HDAC5: variants seen among roughly 807,000 people sequenced by gnomAD.
HDAC5 encodes histone deacetylase 5.
HDAC5 carries 25 observed loss-of-function variants against 133.3 expected under a neutral mutation model. The observed-to-expected ratio is 0.19, with a 90% confidence interval of 0.14 to 0.26. The LOEUF is 0.26. HDAC5 is among the 10% of genes least tolerant of loss of function. The pLI, the probability that HDAC5 is intolerant of heterozygous loss-of-function variation, is 1.00. For synonymous variants in HDAC5, 589 were observed against 610.8 expected (o/e 0.96, Z 0.53); for missense variants, 1,041 against 1,460.5 (o/e 0.71, Z 4.68).
At chr17:44,088,715 G>A (rs929464991) in intron 11 of HDAC5, 117 bp from the exon 12 acceptor site, 18 of 1,419,224 alleles carry the variant, frequency 1.3e-5, no homozygotes, top group Non-Finnish European at 9.3e-7. Context: ...ATATACTCAG[G>A]AAAAACCCTG....
rs901590736 is a variant in HDAC5 at position 44,079,996 on chromosome 17, C to G, written c.2944+111G>C. 1.2e-5 allele frequency: 10 copies of G among 810,788 alleles called. No homozygotes were observed. The Admixed American group carries it at 1.6e-4, about 13-fold the overall frequency. The allele number at this position is 810,788 out of a possible 1,614,324, so 50.2% of individuals were successfully genotyped here. ...AAGATGATTCCAAGTCTAGGCCCTGCCCCCTGCTTTCCCCGTCTGCTGCAA... is the reference window on the plus strand; with the variant it reads ...AAGATGATTCCAAGTCTAGGCCCTGGCCCCTGCTTTCCCCGTCTGCTGCAA... On this transcript the variant is annotated intron_variant, in intron 23 of 26. Coordinates refer to ENST00000682912, the MANE Select transcript of HDAC5 (RefSeq NM_005474.5).
intron 1 of HDAC5, among the ~76,000 whole-genome samples, chr17:44,122,998 C>T (rs1328987393): frequency 2.0e-5 from 3 of 152,156 alleles, no homozygotes; most frequent in Admixed American, 6.5e-5. Flanking sequence ...TCCTCATGCA[C>T]GGAAGTCAAG....
At chr17:44,086,829 C>A in intron 13 of HDAC5, 92 bp from the exon 14 acceptor site, 4 of 978,454 alleles carry the variant, frequency 4.1e-6, no homozygotes, top group Non-Finnish European at 5.4e-6. Context: ...GGGCCCCAAT[C>A]CAGCCCTTTT....
chr17:44,085,052 C>T lies in HDAC5; in HGVS notation c.2154G>A (p.Leu718=). 1 of 1,594,984 alleles carries T rather than the reference C, an allele frequency of 6.3e-7. No individual in the cohort carries two copies. The highest frequency in any genetic ancestry group is 8.6e-7 in the Non-Finnish European group (1 of 1,164,046). Residue 718 remains leucine (L), a synonymous_variant, in exon 15 of 27, where the codon CTG becomes CTA. Transcript: ENST00000682912. The part of the protein sequence containing the change: ...AGRIQSIWSR[L]QETGLLSKCE... The stretch of plus-strand genomic sequence containing the variant: ...ACTTGCTAAGCAGGCCTGTCTCCTG[C>T]AGCCGGGACCAGATGCTCTGGATCC...
At chr17:44,092,127 G>C in intron 9 of HDAC5, 45 bp downstream of exon 9, 1 of 1,533,860 alleles carries the variant, frequency 6.5e-7, no homozygotes, top group South Asian at 1.1e-5. Flanking sequence ...CCATGGGAAG[G>C]AGCAACTCTG....
chr17:44,084,459 G>A, intron 16 of HDAC5, 96 bp downstream of exon 16: 9 of 1,488,754 alleles, frequency 6.0e-6, no homozygotes, highest in South Asian at 1.2e-5. Context: ...TGCCCGTGGG[G>A]ACAACCCTCC....
intron 3 of HDAC5, among the ~76,000 whole-genome samples, chr17:44,102,625 T>C (rs189783406): frequency 1.4e-3 from 219 of 152,030 alleles, no homozygotes; most frequent in East Asian, 7.9e-3. Context: ...TCCCAAAGTG[T>C]TGGGATTACA....
intron 6 of HDAC5, 105 bp from the exon 7 acceptor site, chr17:44,092,911 G>A (rs1255286112): frequency 6.1e-6 from 4 of 656,160 alleles, no homozygotes; most frequent in South Asian, 4.1e-5. Context: ...TTTGTATATA[G>A]GAAGAGGACG....
chr17:44,091,294 G>C lies in HDAC5; in HGVS notation c.1363C>G (p.Arg455Gly). ...LQHVLLLEQA[R>G]QQSTLIAVPL... ...CCAGCAATGAGGGTGCTCTGCTGCC[G>C]GGCCTGCTCCAGCAACAGCACATGC... is the stretch of plus-strand genomic sequence containing the variant. The change falls in exon 11 of 27, where the codon CGG becomes GGG. Residue 455 changes from arginine to glycine, a missense_variant. This residue lies in a region of HDAC5 where 433 missense variants were observed against 531.6 expected (regional missense o/e 0.81). Coordinates refer to ENST00000682912, the MANE Select transcript of HDAC5 (RefSeq NM_005474.5). 6.2e-7 allele frequency: 1 copy of C among 1,611,712 alleles called. No homozygotes were observed. Among genetic ancestry groups the C allele is most frequent in the Non-Finnish European group, 8.5e-7 (1 of 1,179,440 alleles).
Position 44,092,375 on chromosome 17 carries a change from CCTTA to C in HDAC5, c.919+2_919+5del. On this transcript the variant is annotated splice_donor_variant and splice_donor_5th_base_variant and intron_variant, in intron 8 of 26. Coordinates refer to ENST00000682912, the MANE Select transcript of HDAC5 (RefSeq NM_005474.5). LOFTEE classifies it high-confidence loss of function. ...CTCAGAACAGGTACATGAGAGCAGC[CCTTA>C]CCCCCAGGCCCGGCACCTGTGATCT... 6.2e-7 allele frequency: 1 copy of C among 1,612,280 alleles called. No individual in the cohort carries two copies. Among genetic ancestry groups the C allele is most frequent in the Non-Finnish European group, 8.5e-7 (1 of 1,178,600 alleles).
chr17:44,078,746 G>C, intron 25 of HDAC5, 49 bp downstream of exon 25: 1 of 1,610,790 alleles, frequency 6.2e-7, no homozygotes, highest in East Asian at 2.2e-5. Context: ...GCTCCCACAA[G>C]CTCCGTGCCC....
Position 44,093,168 on chromosome 17 carries a change from C to T in HDAC5, c.565G>A (p.Glu189Lys). Residue 189 changes from glutamate to lysine, a missense_variant, in exon 6 of 27, where the codon GAA (glutamate) becomes AAA (lysine). Glu to Lys is a moderately conservative substitution (Grantham distance 56). This residue lies in a region of HDAC5 where 109 missense variants were observed against 168.0 expected (regional missense o/e 0.65). Transcript: ENST00000682912. ...ASTEVKLRLQ[E>K]FLLSKSKEPT... is the part of the protein sequence containing the mutation. ...TCCTTTGACTTCGACAAGAGGAATT[C>T]CTGGAGCCTCAGCTTTACCTCAGTG... 1 of 1,613,788 alleles carries T rather than the reference C, an allele frequency of 6.2e-7. No individual in the cohort carries two copies. The highest frequency in any genetic ancestry group is 8.5e-7 in the Non-Finnish European group (1 of 1,179,820).
chr17:44,120,951 C>T (rs2052954907), intron 1 of HDAC5, among the ~76,000 whole-genome samples: 1 of 151,840 alleles, frequency 6.6e-6, no homozygotes, highest in Non-Finnish European at 1.5e-5. Flanking sequence ...ATGTCCAGGC[C>T]CCAAACCAGG....
chr17:44,088,520 C>T lies in HDAC5; in HGVS notation c.1466G>A (p.Arg489Gln), dbSNP rs369400972. Residue 489 changes from arginine (R) to glutamine (Q), a missense_variant, in exon 12 of 27, where the codon CGG becomes CAG. Physicochemically the swap from Arg to Gln is conservative, Grantham distance 43. Around this residue, in one of 9 missense-constraint regions of HDAC5, gnomAD observed 433 missense variants for 531.6 expected, o/e 0.81. Transcript: ENST00000682912. Reference protein sequence around the residue: ...TSMRTVGKLPRHRPLSRTQSS... With the variant: ...TSMRTVGKLPQHRPLSRTQSS... ...CTGAGTGCGGCTCAGGGGCCGATGC[C>T]GCGGGAGCTTGCCTACCGTCCGCAT... 6.8e-6 allele frequency: 11 copies of T among 1,613,264 alleles called. No homozygotes were observed. The highest frequency in any genetic ancestry group is 1.3e-5 in the African/African-American group (1 of 74,914).
At position 44,088,663 on chromosome 17, in the gene HDAC5, C is replaced by G. The variant is rs952843412; in HGVS notation, c.1388-65G>C. 2.2e-5 allele frequency: 34 copies of G among 1,554,592 alleles called. No homozygotes were observed. In the South Asian group the frequency reaches 4.0e-4, roughly 18 times the overall value. On this transcript the variant is annotated intron_variant, in intron 11 of 26. Transcript: ENST00000682912. Reference sequence around the variant, plus strand: ...GCACCTGACTGCCCTCCCACCGACCCTGCATCTTGCCCCCACAACCCCCTC... The same window carrying G: ...GCACCTGACTGCCCTCCCACCGACCGTGCATCTTGCCCCCACAACCCCCTC...
chr17:44,112,979 C>T (rs1352515298), intron 2 of HDAC5, among the ~76,000 whole-genome samples: 1 of 152,156 alleles, frequency 6.6e-6, no homozygotes, highest in Non-Finnish European at 1.5e-5. Flanking sequence ...CCAACCAGGC[C>T]CTCTCAAGAG....
rs547284404 is a variant in HDAC5 at position 44,121,906 on chromosome 17, A to G, written c.-190+1598T>C. Among the ~76,000 whole-genome samples the G allele has an allele frequency of 4.6e-5, 7 of 152,240 alleles. No homozygotes were observed. The South Asian group carries it at 1.2e-3, about 27-fold the overall frequency. On this transcript the variant is annotated intron_variant, in intron 1 of 26. Transcript: ENST00000682912. ...TCTCTCTGGTCTCTGGCATGCCCACATTCCCAGGACAGAGTGGAGATACTG... is the reference window on the plus strand; with the variant it reads ...TCTCTCTGGTCTCTGGCATGCCCACGTTCCCAGGACAGAGTGGAGATACTG...
chr17:44,084,941 A>C, intron 15 of HDAC5, 81 bp downstream of exon 15: 1 of 1,499,514 alleles, frequency 6.7e-7, no homozygotes, highest in Admixed American at 1.9e-5. Flanking sequence ...GATGAGGAAG[A>C]AGCATGAAGA....
In HDAC5 at chr17:44,092,536, A is replaced by G. The variant is rs371334400; in HGVS notation, c.773-9T>C. 11 of 1,610,466 alleles carry G rather than the reference A, an allele frequency of 6.8e-6. No individual in the cohort carries two copies. The African/African-American group carries it at 1.1e-4, about 16-fold the overall frequency. ...CAAGTTGGGTTCAGAGGCTGGAGAG[A>G]AGGTAACCGAGGTTCAGATACGCGC... On this transcript the variant is annotated splice_polypyrimidine_tract_variant and intron_variant, in intron 7 of 26. Coordinates refer to ENST00000682912, the MANE Select transcript of HDAC5 (RefSeq NM_005474.5).
Sources: allele counts gnomAD v4.1 joint callset (sites outside exome capture counted in the v4.1 genomes callset), GRCh38; gene constraint gnomAD v4.1.1; regional missense constraint gnomAD v4.1.1; transcripts MANE v1.5; gene names NCBI Gene and HGNC (gene_info 2026-07-23, HGNC 2026-07-21).